PCDH9: variants seen among roughly 807,000 people sequenced by gnomAD.
PCDH9 encodes the protein protocadherin-9.
PCDH9 carries 24 observed loss-of-function variants against 70.6 expected under a neutral mutation model. The ratio of observed to expected loss-of-function variants is 0.34; its 90% confidence interval spans 0.25 to 0.48. The LOEUF is 0.48. Ranked by LOEUF, PCDH9 falls within the 20% of genes least tolerant of loss-of-function variation. The pLI, the probability that PCDH9 is intolerant of heterozygous loss-of-function variation, is 0.99. For missense variants in PCDH9, 1,281 were observed against 1,503.6 expected, an observed-to-expected ratio of 0.85 and a Z score of 2.45; for synonymous variants, 562 against 558.5, an observed-to-expected ratio of 1.01 and a Z score of -0.09.
intron 2 of PCDH9, among the ~76,000 whole-genome samples, chr13:67,033,385 G>A (rs2084945408): frequency 6.6e-6 from 1 of 152,168 alleles, no homozygotes; most frequent in South Asian, 2.1e-4. Context: ...TGAAAGAGAA[G>A]CTGAGTTCAT....
intron 3 of PCDH9, among the ~76,000 whole-genome samples, chr13:66,812,544 T>G (rs1314136664): frequency 6.6e-6 from 1 of 152,178 alleles, no homozygotes; most frequent in Non-Finnish European, 1.5e-5. Context: ...AAGCAACTCA[T>G]TTTCTATTCT....
At chr13:66,661,710 A>G (rs914458140) in intron 3 of PCDH9, among the ~76,000 whole-genome samples, 2 of 152,238 alleles carry the variant, frequency 1.3e-5, no homozygotes, top group Non-Finnish European at 2.9e-5. Flanking sequence ...CAGATATCCA[A>G]TCTGACACAG....
chr13:66,569,410 T>C (rs2076701224), intron 4 of PCDH9, among the ~76,000 whole-genome samples: 1 of 152,148 alleles, frequency 6.6e-6, no homozygotes, highest in African/African-American at 2.4e-5. Context: ...TTAACCATAA[T>C]GAAAGTTCTG....
intron 3 of PCDH9, among the ~76,000 whole-genome samples, chr13:66,698,136 G>T (rs1226356800): frequency 6.6e-6 from 1 of 152,190 alleles, no homozygotes; most frequent in East Asian, 1.9e-4. Context: ...GTAGAAATGG[G>T]AAGTTATTGT....
intron 3 of PCDH9, among the ~76,000 whole-genome samples, chr13:66,743,584 A>G (rs939774925): frequency 1.3e-5 from 2 of 152,190 alleles, no homozygotes; most frequent in Admixed American, 1.3e-4. Context: ...ATGGTGTAAC[A>G]TGGTGAATAT....
chr13:66,869,671 T>A (rs1340333297), intron 3 of PCDH9, among the ~76,000 whole-genome samples: 1 of 152,158 alleles, frequency 6.6e-6, no homozygotes, highest in Non-Finnish European at 1.5e-5. Flanking sequence ...AAAGAACTGT[T>A]AAAAAATTAG....
intron 3 of PCDH9, among the ~76,000 whole-genome samples, chr13:66,865,875 A>G (rs1030860294): frequency 2.0e-5 from 3 of 152,224 alleles, no homozygotes; most frequent in Non-Finnish European, 2.9e-5. Flanking sequence ...CTGTTTTTAC[A>G]AATAATTTGA....
At chr13:66,629,044 T>C (rs1171579085) in intron 4 of PCDH9, among the ~76,000 whole-genome samples, 1 of 152,234 alleles carries the variant, frequency 6.6e-6, no homozygotes, top group African/African-American at 2.4e-5. Context: ...ATCCACTGAT[T>C]AAATTTACTG....
intron 3 of PCDH9, among the ~76,000 whole-genome samples, chr13:66,727,882 A>C (rs2079026278): frequency 6.6e-6 from 1 of 152,142 alleles, no homozygotes; most frequent in Admixed American, 6.5e-5. Context: ...AAACTTAGAG[A>C]CTACAGAAGT....
intron 2 of PCDH9, among the ~76,000 whole-genome samples, chr13:67,103,598 T>TC (rs1344279803): frequency 3.0e-4 from 46 of 152,196 alleles, no homozygotes; most frequent in Non-Finnish European, 5.7e-4. Context: ...AAGACTTTTT[T>TC]CTTTTTTTTT....
chr13:67,157,022 C>T (rs1455027366), intron 2 of PCDH9, among the ~76,000 whole-genome samples: 2 of 152,172 alleles, frequency 1.3e-5, no homozygotes, highest in East Asian at 3.9e-4. Flanking sequence ...CTGTTAAATA[C>T]TTGTATTATA....
intron 2 of PCDH9, among the ~76,000 whole-genome samples, chr13:66,942,779 T>C (rs2083026717): frequency 6.6e-6 from 1 of 152,128 alleles, no homozygotes; most frequent in Admixed American, 6.5e-5. Flanking sequence ...AAAGATCTAT[T>C]ATGGAAACTG....
intron 4 of PCDH9, among the ~76,000 whole-genome samples, chr13:66,389,760 G>A (rs535551297): frequency 5.5e-4 from 84 of 152,160 alleles, no homozygotes; most frequent in Non-Finnish European, 1.8e-4. Context: ...CTTCCTAAAC[G>A]CTAATCTTCC....
chr13:66,749,758 C>T (rs1421760228), intron 3 of PCDH9, among the ~76,000 whole-genome samples: 16 of 152,100 alleles, frequency 1.1e-4, no homozygotes, highest in African/African-American at 3.4e-4. Context: ...CAACACAACC[C>T]TCTAGTTTAA....
chr13:67,194,579 T>C (rs1331925565), intron 2 of PCDH9, among the ~76,000 whole-genome samples: 1 of 152,146 alleles, frequency 6.6e-6, no homozygotes, highest in East Asian at 1.9e-4. Context: ...TAAAAGCAAA[T>C]AAAAGTCGGA....
intron 3 of PCDH9, among the ~76,000 whole-genome samples, chr13:66,890,421 A>G (rs1399121297): frequency 2.7e-5 from 4 of 148,526 alleles, no homozygotes; most frequent in Non-Finnish European, 3.0e-5. Context: ...CTTTAGACAA[A>G]CTTCTTCCTA....
intron 3 of PCDH9, among the ~76,000 whole-genome samples, chr13:66,876,399 A>C (rs2081811388): frequency 1.3e-5 from 2 of 151,492 alleles, no homozygotes; most frequent in South Asian, 2.1e-4. Flanking sequence ...AGTAAGGTAA[A>C]AAAAAATACA....
intron 3 of PCDH9, among the ~76,000 whole-genome samples, chr13:66,788,707 G>C (rs1040929758): frequency 1.5e-5 from 2 of 136,736 alleles, no homozygotes; most frequent in Non-Finnish European, 3.1e-5. Flanking sequence ...AAAGGCTCAA[G>C]GGAAAAATCA....
At position 66,631,227 on chromosome 13, in the gene PCDH9, T is replaced by C; in HGVS notation, c.3323A>G (p.Asn1108Ser). The C allele has an allele frequency of 1.3e-6, 2 of 1,594,718 alleles. No individual in the cohort carries two copies. The highest frequency in any genetic ancestry group is 1.7e-6 in the Non-Finnish European group (2 of 1,162,338). ...SPDKRTEADG[N>S]SDPNSDGPLG... is the part of the protein sequence containing the mutation. ...GGACTCACCAGAGTTGGGATCAGAGTTGCCATCTGCTTCAGTCCTCTTGTC... is the reference window on the plus strand; with the variant it reads ...GGACTCACCAGAGTTGGGATCAGAGCTGCCATCTGCTTCAGTCCTCTTGTC... The change falls in exon 4 of 5, where the codon AAC (asparagine) becomes AGC (serine). Residue 1108 changes from asparagine (N) to serine (S), a missense_variant. Coordinates refer to ENST00000377865, the MANE Select transcript of PCDH9 (RefSeq NM_203487.3).
Sources: allele counts gnomAD v4.1 joint callset (sites outside exome capture counted in the v4.1 genomes callset), GRCh38; gene constraint gnomAD v4.1.1; transcripts MANE v1.5; gene names NCBI Gene and HGNC (gene_info 2026-07-23, HGNC 2026-07-21).